NEK10: variants seen among roughly 807,000 people sequenced by gnomAD.
The protein encoded by NEK10 is NIMA related kinase 10.
NEK10 carries 122 observed loss-of-function variants against 159.8 expected under a neutral mutation model. The observed-to-expected ratio is 0.76, with a 90% CI of 0.66 to 0.89. The LOEUF is 0.89. Ranked by LOEUF, NEK10 falls within the 40% of genes least tolerant of loss-of-function variation. NEK10 has a pLI of 0.00. For missense variants in NEK10, 1,342 were observed against 1,323.1 expected (o/e 1.01, Z -0.22); for synonymous variants, 466 against 457.1 (o/e 1.02, Z -0.25).
At chr3:27,173,228 G>T (rs879875886) in intron 28 of NEK10, among the ~76,000 whole-genome samples, 8 of 152,092 alleles carry the variant, frequency 5.3e-5, no homozygotes, top group Non-Finnish European at 8.8e-5. Context: ...ACAATAAAAT[G>T]TCATGCAATA....
intron 19 of NEK10, 48 bp downstream of exon 19, chr3:27,290,569 T>G: frequency 1.7e-5 from 24 of 1,381,694 alleles, no homozygotes; most frequent in Non-Finnish European, 2.4e-5. Context: ...TTTCTTGCAA[T>G]GACATGTATT....
chr3:27,329,290 C>T (rs2046230650), intron 5 of NEK10, among the ~76,000 whole-genome samples: 2 of 152,162 alleles, frequency 1.3e-5, no homozygotes, highest in South Asian at 4.1e-4. Context: ...GTATAAATTA[C>T]CCAGTCTTGA....
At position 27,340,712 on chromosome 3, in the gene NEK10, T is replaced by C. The variant is rs73055727; in HGVS notation, c.362+3560A>G. Among the ~76,000 whole-genome samples, 333 of 152,154 alleles carry C rather than the reference T, an allele frequency of 2.2e-3. 1 individual carries two copies. Among genetic ancestry groups the C allele is most frequent in the Non-Finnish European group, 3.9e-3 (266 of 67,984 alleles). On this transcript the variant is annotated intron_variant, in intron 5 of 35. Coordinates refer to ENST00000691995, the MANE Select transcript of NEK10 (RefSeq NM_001394966.1). ...GATTAAAAGACAAAAAACTAACAGA[T>C]GAGGATGTGGATAAGAGGGAACTCA...
chr3:27,317,683 AAATC>A (rs1430931441), intron 6 of NEK10, among the ~76,000 whole-genome samples: 62 of 152,222 alleles, frequency 4.1e-4, no homozygotes, highest in Non-Finnish European at 4.4e-5. Flanking sequence ...CGTGGCAACT[AAATC>A]AATGAATGCT....
At chr3:27,113,007 C>T (rs1444626553) in intron 35 of NEK10, among the ~76,000 whole-genome samples, 1 of 152,130 alleles carries the variant, frequency 6.6e-6, no homozygotes, top group African/African-American at 2.4e-5. Flanking sequence ...CTAATTGAAG[C>T]CTGACTTATT....
At chr3:27,217,236 A>G (rs1951628214) in intron 23 of NEK10, among the ~76,000 whole-genome samples, 1 of 152,192 alleles carries the variant, frequency 6.6e-6, no homozygotes. Flanking sequence ...ATAACATTAC[A>G]AAACAAAGAA....
intron 26 of NEK10, among the ~76,000 whole-genome samples, chr3:27,178,884 C>T (rs1287430173): frequency 6.6e-6 from 1 of 152,160 alleles, no homozygotes; most frequent in East Asian, 1.9e-4. Flanking sequence ...CTGGTCCCAC[C>T]CCCTACCCAG....
chr3:27,286,956 C>T (rs1249824710), intron 20 of NEK10, among the ~76,000 whole-genome samples: 1 of 152,030 alleles, frequency 6.6e-6, no homozygotes, highest in African/African-American at 2.4e-5. Flanking sequence ...GCAAAATACA[C>T]ACACAAAAGG....
chr3:27,264,392 C>T (rs938372538), intron 22 of NEK10, among the ~76,000 whole-genome samples: 1 of 152,058 alleles, frequency 6.6e-6, no homozygotes, highest in Non-Finnish European at 1.5e-5. Context: ...AAATTATTGA[C>T]AAAATGTAAG....
chr3:27,306,297 T>C (rs780798056), intron 11 of NEK10, among the ~76,000 whole-genome samples: 5 of 152,200 alleles, frequency 3.3e-5, no homozygotes, highest in East Asian at 1.9e-4. Context: ...GCTCAAGATA[T>C]AAATCCCTCT....
At chr3:27,144,751 TCA>T (rs1944132084) in intron 30 of NEK10, among the ~76,000 whole-genome samples, 1 of 152,192 alleles carries the variant, frequency 6.6e-6, no homozygotes, top group African/African-American at 2.4e-5. Flanking sequence ...AAACAGGGTC[TCA>T]CTCTGTCACT....
intron 5 of NEK10, among the ~76,000 whole-genome samples, chr3:27,343,360 G>C (rs1165336697): frequency 6.6e-6 from 1 of 152,132 alleles, no homozygotes; most frequent in Non-Finnish European, 1.5e-5. Context: ...GGCCAAGTCA[G>C]AGTTTTATTT....
At chr3:27,120,741 T>C (rs1263569948) in intron 32 of NEK10, among the ~76,000 whole-genome samples, 1 of 152,216 alleles carries the variant, frequency 6.6e-6, no homozygotes, top group East Asian at 1.9e-4. Context: ...ACGGTATTTA[T>C]TAAAGTTTCA....
At chr3:27,240,139 G>A (rs183499564) in intron 23 of NEK10, among the ~76,000 whole-genome samples, 1 of 152,136 alleles carries the variant, frequency 6.6e-6, no homozygotes, top group Non-Finnish European at 1.5e-5. Flanking sequence ...GAGGAGTCTG[G>A]GCAATTAAAC....
At chr3:27,114,684 A>G (rs901609998) in intron 35 of NEK10, among the ~76,000 whole-genome samples, 9 of 152,150 alleles carry the variant, frequency 5.9e-5, no homozygotes, top group Non-Finnish European at 1.0e-4. Context: ...TTTGGTGAAG[A>G]CTTCTGGAAT....
intron 25 of NEK10, among the ~76,000 whole-genome samples, chr3:27,196,496 A>C (rs1399069568): frequency 6.6e-6 from 1 of 152,150 alleles, no homozygotes; most frequent in African/African-American, 2.4e-5. Context: ...GGCCTCAGGG[A>C]AATTAAATTG....
At chr3:27,319,557 A>C (rs1355672780) in intron 6 of NEK10, among the ~76,000 whole-genome samples, 1 of 152,192 alleles carries the variant, frequency 6.6e-6, no homozygotes, top group Non-Finnish European at 1.5e-5. Context: ...TCCTGGTGGA[A>C]AGGAACTGGA....
chr3:27,169,618 C>A (rs981836098), intron 29 of NEK10, among the ~76,000 whole-genome samples: 5 of 152,220 alleles, frequency 3.3e-5, no homozygotes, highest in Non-Finnish European at 5.9e-5. Context: ...GCATCTTTGA[C>A]TAAACAAGAA....
At chr3:27,175,674 C>T (rs1332914387) in intron 26 of NEK10, among the ~76,000 whole-genome samples, 1 of 152,188 alleles carries the variant, frequency 6.6e-6, no homozygotes, top group African/African-American at 2.4e-5. Context: ...TTGTATGGGA[C>T]TATTCGCAGC....
Sources: allele counts gnomAD v4.1 joint callset (sites outside exome capture counted in the v4.1 genomes callset), GRCh38; gene constraint gnomAD v4.1.1; transcripts MANE v1.5; gene names NCBI Gene and HGNC (gene_info 2026-07-23, HGNC 2026-07-21).